Variants in NPTN observed in about 807,000 individuals in gnomAD.
The protein encoded by NPTN is SDR-1.
A neutral mutation model predicts 42.7 loss-of-function variants in NPTN; 5 were observed. That is an observed-to-expected ratio of 0.12 (90% confidence interval 0.06 to 0.25). The LOEUF (loss-of-function observed/expected upper bound fraction) is 0.25. Ranked by LOEUF, NPTN falls within the 10% of genes least tolerant of loss-of-function variation. The pLI is 1.00. For synonymous variants in NPTN, 180 were observed against 201.9 expected (o/e 0.89, Z 0.92); for missense variants, 307 against 525.4 (o/e 0.58, Z 4.06).
chr15:73,587,545 T>C lies in NPTN; in HGVS notation c.685A>G (p.Asn229Asp). The stretch of plus-strand genomic sequence containing the variant: ...GTACCTTTCACTTCAATGGTGGCGT[T>C]TGCTTTAGGAGCGCTGACAAAGTGA... ...VYHFVSAPKANATIEVKAAPD... is the reference protein window; with the variant it reads ...VYHFVSAPKADATIEVKAAPD... The change falls in exon 4 of 9, where the codon AAC becomes GAC. Residue 229 changes from asparagine to aspartate, a missense_variant. Transcript: ENST00000345330. 1 of 1,613,992 alleles carries C rather than the reference T, an allele frequency of 6.2e-7. No homozygotes were observed. The highest frequency in any genetic ancestry group is 8.5e-7 in the Non-Finnish European group (1 of 1,179,892).
chr15:73,582,510 G>A (rs558290707), intron 4 of NPTN, among the ~76,000 whole-genome samples: 1 of 152,290 alleles, frequency 6.6e-6, no homozygotes, highest in South Asian at 2.1e-4. Flanking sequence ...TCTAGGACAG[G>A]TGCCTCCTTC....
intron 1 of NPTN, among the ~76,000 whole-genome samples, chr15:73,616,219 C>T (rs533451356): frequency 6.6e-6 from 1 of 152,066 alleles, no homozygotes; most frequent in South Asian, 2.1e-4. Context: ...CATTATGAAC[C>T]AAAGGTACAA....
chr15:73,565,099 G>A (rs759679807), intron 6 of NPTN, among the ~76,000 whole-genome samples: 7 of 152,218 alleles, frequency 4.6e-5, no homozygotes, highest in Non-Finnish European at 8.8e-5. Flanking sequence ...AGGGTTGCAT[G>A]GAGGTGTTTT....
chr15:73,568,746 C>T (rs1345651142), intron 6 of NPTN: 27 of 985,508 alleles, frequency 2.7e-5, no homozygotes, highest in Non-Finnish European at 3.1e-5. Flanking sequence ...GTCCTTCCCA[C>T]GCCTCTGCCC....
chr15:73,560,587 ACTTT>A lies in NPTN; in HGVS notation c.*472_*475del, dbSNP rs1388686859. 6.6e-6 allele frequency: 1 copy of A among 151,032 alleles called. No homozygotes were observed. The highest frequency in any genetic ancestry group is 1.5e-5 in the Non-Finnish European group (1 of 67,734). 9.4% of individuals were successfully genotyped at this position (151,032 alleles called of 1,614,324 possible). ...CAGCTTAAAAATGAAACAAGCATTT[ACTTT>A]ATTTTGGATTTCTCCCACCCCCAAA... On this transcript the variant is annotated 3_prime_UTR_variant, in exon 9 of 9. Coordinates refer to ENST00000345330, the MANE Select transcript of NPTN (RefSeq NM_012428.4).
At chr15:73,592,481 G>T (rs1056453173) in intron 2 of NPTN, among the ~76,000 whole-genome samples, 1 of 151,964 alleles carries the variant, frequency 6.6e-6, no homozygotes, top group Non-Finnish European at 1.5e-5. Flanking sequence ...AGACAACCAG[G>T]CTCCACCTTG....
chr15:73,614,145 CTACAAAAAA>C (rs1897738525), intron 1 of NPTN, among the ~76,000 whole-genome samples: 1 of 148,170 alleles, frequency 6.7e-6, no homozygotes, highest in Non-Finnish European at 1.5e-5. Context: ...AACCTCATCT[CTACAAAAAA>C]TACAAAAAAA....
At chr15:73,616,389 A>T (rs1001560459) in intron 1 of NPTN, among the ~76,000 whole-genome samples, 2 of 152,096 alleles carry the variant, frequency 1.3e-5, no homozygotes, top group Admixed American at 1.3e-4. Flanking sequence ...AACAACAACA[A>T]ACTTTCTGCA....
intron 6 of NPTN, chr15:73,567,410 T>TAAC (rs1895093076): frequency 1.0e-6 from 1 of 985,320 alleles, no homozygotes; most frequent in African/African-American, 1.7e-5. Flanking sequence ...TATGACCTCT[T>TAAC]AACACTCCCA....
intron 5 of NPTN, among the ~76,000 whole-genome samples, chr15:73,571,613 G>A (rs923839402): frequency 1.3e-5 from 2 of 152,140 alleles, no homozygotes; most frequent in Non-Finnish European, 2.9e-5. Context: ...GCAGGGATTC[G>A]CATGGGTGTG....
intron 1 of NPTN, among the ~76,000 whole-genome samples, chr15:73,627,890 G>A (rs544022345): frequency 5.9e-5 from 9 of 152,110 alleles, no homozygotes; most frequent in African/African-American, 2.2e-4. Flanking sequence ...TCAGTAAGAA[G>A]TTTTGTTATG....
At chr15:73,611,691 T>C (rs940317314) in intron 1 of NPTN, among the ~76,000 whole-genome samples, 1 of 152,214 alleles carries the variant, frequency 6.6e-6, no homozygotes, top group Non-Finnish European at 1.5e-5. Flanking sequence ...TATATATTTC[T>C]CAAAACTCAT....
At chr15:73,611,835 T>G (rs1320395441) in intron 1 of NPTN, among the ~76,000 whole-genome samples, 1 of 152,136 alleles carries the variant, frequency 6.6e-6, no homozygotes, top group Non-Finnish European at 1.5e-5. Flanking sequence ...GTGGGGGCTG[T>G]ATGTGTGTGG....
At chr15:73,609,453 A>G (rs1175055371) in intron 1 of NPTN, among the ~76,000 whole-genome samples, 2 of 152,036 alleles carry the variant, frequency 1.3e-5, no homozygotes, top group African/African-American at 4.8e-5. Flanking sequence ...ACATGGTGAA[A>G]CCCCGTCTCT....
intron 5 of NPTN, among the ~76,000 whole-genome samples, chr15:73,572,676 C>T (rs955612394): frequency 1.1e-4 from 17 of 152,056 alleles, no homozygotes; most frequent in African/African-American, 4.1e-4. Flanking sequence ...AATAATTGCC[C>T]TCAGTACCTT....
chr15:73,569,514 G>A lies in NPTN; in HGVS notation c.1114+636C>T. On this transcript the variant is annotated intron_variant, in intron 6 of 8. Coordinates refer to ENST00000345330, the MANE Select transcript of NPTN (RefSeq NM_012428.4). The surrounding 1 kb of genome is among the most constrained non-coding windows in gnomAD (Gnocchi z 4.1). ...TATCTCTGTCTTACACTAGATGGGT[G>A]GATACATCAGACTCTCCTTTGTCTG... 1.0e-6 allele frequency: 1 copy of A among 985,392 alleles called. No individual in the cohort carries two copies. The highest frequency in any genetic ancestry group is 1.2e-6 in the Non-Finnish European group (1 of 829,928). The allele number at this position is 985,392 out of a possible 1,614,324, so 61.0% of individuals were successfully genotyped here. A position where few individuals can be genotyped will look rare whatever the true frequency, so the allele number is the denominator to read the frequency against.
intron 1 of NPTN, among the ~76,000 whole-genome samples, chr15:73,609,184 TTAA>T (rs1299119707): frequency 6.6e-6 from 1 of 152,194 alleles, no homozygotes; most frequent in Non-Finnish European, 1.5e-5. Flanking sequence ...GACAACACTT[TTAA>T]TAATGTCAAG....
At chr15:73,562,162 T>C (rs938417882) in intron 7 of NPTN, among the ~76,000 whole-genome samples, 192 bp from the exon 8 acceptor site, 7 of 152,240 alleles carry the variant, frequency 4.6e-5, no homozygotes, top group African/African-American at 1.4e-4. Flanking sequence ...TCTGAAATGC[T>C]TGGGATCAGA....
chr15:73,629,458 CT>C (rs2141484342), intron 1 of NPTN, among the ~76,000 whole-genome samples: 1 of 151,940 alleles, frequency 6.6e-6, no homozygotes. Context: ...GAGAAAATTG[CT>C]AAACCACTGA....
Sources: allele counts gnomAD v4.1 joint callset (sites outside exome capture counted in the v4.1 genomes callset), GRCh38; gene constraint gnomAD v4.1.1; non-coding constraint Gnocchi (gnomAD v3.1); transcripts MANE v1.5; gene names NCBI Gene and HGNC (gene_info 2026-07-23, HGNC 2026-07-21).